EFNA5: variants seen among roughly 807,000 people sequenced by gnomAD.
EFNA5 encodes ephrin-A5.
EFNA5 carries 5 observed loss-of-function variants against 22.9 expected under a neutral mutation model. The observed-to-expected ratio is 0.22, with a 90% confidence interval of 0.11 to 0.46. EFNA5 has a LOEUF of 0.46. EFNA5 is among the 20% of genes least tolerant of loss of function. The pLI is 0.99. For synonymous variants in EFNA5, 113 were observed against 112.2 expected (o/e 1.01, Z -0.04); for missense variants, 237 against 293.3 (o/e 0.81, Z 1.40).
At chr5:107,454,094 G>A (rs1330886680) in intron 1 of EFNA5, among the ~76,000 whole-genome samples, 4 of 152,064 alleles carry the variant, frequency 2.6e-5, no homozygotes, top group East Asian at 1.9e-4. Flanking sequence ...TAGCATGAAC[G>A]TTTTTCCTTC....
chr5:107,570,377 T>C (rs937147312), intron 1 of EFNA5, among the ~76,000 whole-genome samples: 1 of 152,214 alleles, frequency 6.6e-6, no homozygotes, highest in Admixed American at 6.5e-5. Flanking sequence ...TGTGCCTTTA[T>C]CAAGGGAACA....
intron 1 of EFNA5, among the ~76,000 whole-genome samples, chr5:107,497,387 A>G (rs2112421615): frequency 6.6e-6 from 1 of 152,324 alleles, no homozygotes; most frequent in Middle Eastern, 3.4e-3. Context: ...AGGTAAACGG[A>G]GCCTTATATG....
At chr5:107,619,934 C>T (rs898940867) in intron 1 of EFNA5, among the ~76,000 whole-genome samples, 3 of 152,188 alleles carry the variant, frequency 2.0e-5, no homozygotes, top group Non-Finnish European at 4.4e-5. Flanking sequence ...ACTGTGACTC[C>T]TCCAATTTCC....
At chr5:107,584,424 A>G (rs1393320520) in intron 1 of EFNA5, among the ~76,000 whole-genome samples, 2 of 152,224 alleles carry the variant, frequency 1.3e-5, no homozygotes, top group African/African-American at 2.4e-5. Flanking sequence ...TAGCCAAGGC[A>G]CAGTCCAGGT....
chr5:107,565,305 A>C (rs1319492750), intron 1 of EFNA5, among the ~76,000 whole-genome samples: 1 of 152,214 alleles, frequency 6.6e-6, no homozygotes, highest in African/African-American at 2.4e-5. Context: ...ACGCATAGCT[A>C]TGCTATGTGA....
At chr5:107,670,341 C>G in intron 1 of EFNA5, 148 bp downstream of exon 1, 1 of 1,073,206 alleles carries the variant, frequency 9.3e-7, no homozygotes, top group Non-Finnish European at 1.2e-6. Flanking sequence ...GCGCTTCCCG[C>G]CGACGCCTCA....
intron 1 of EFNA5, among the ~76,000 whole-genome samples, chr5:107,558,748 A>G (rs1010622061): frequency 6.6e-6 from 1 of 152,224 alleles, no homozygotes; most frequent in African/African-American, 2.4e-5. Context: ...TTGTCCTTTC[A>G]TTAATGAGAA....
chr5:107,575,635 C>G (rs1041888563), intron 1 of EFNA5, among the ~76,000 whole-genome samples: 1 of 152,036 alleles, frequency 6.6e-6, no homozygotes, highest in Non-Finnish European at 1.5e-5. Context: ...ATAAAATAAT[C>G]TATTGTAGAC....
chr5:107,494,131 G>C (rs1339364308), intron 1 of EFNA5, among the ~76,000 whole-genome samples: 1 of 152,192 alleles, frequency 6.6e-6, no homozygotes, highest in Non-Finnish European at 1.5e-5. Context: ...CCTCTGCCTG[G>C]GCTCCCACTT....
At chr5:107,500,957 A>G (rs1004943213) in intron 1 of EFNA5, among the ~76,000 whole-genome samples, 2 of 152,004 alleles carry the variant, frequency 1.3e-5, no homozygotes, top group African/African-American at 2.4e-5. Flanking sequence ...ACCTGTGAAC[A>G]AGTGAGTGGG....
intron 1 of EFNA5, among the ~76,000 whole-genome samples, chr5:107,591,627 C>G (rs988080771): frequency 1.3e-5 from 2 of 150,436 alleles, no homozygotes; most frequent in Non-Finnish European, 2.9e-5. Flanking sequence ...TCGAGACCAG[C>G]CTGGCCAACA....
intron 2 of EFNA5, among the ~76,000 whole-genome samples, chr5:107,416,146 A>G (rs926722001): frequency 6.6e-6 from 1 of 152,112 alleles, no homozygotes; most frequent in Non-Finnish European, 1.5e-5. Context: ...ATTCAATAGT[A>G]CTCTGCTTTG....
Position 107,600,520 on chromosome 5 carries a change from T to A in EFNA5, c.125+69969A>T, listed in dbSNP as rs1289485815. Among the ~76,000 whole-genome samples the A allele has an allele frequency of 5.9e-5, 9 of 151,378 alleles. No homozygotes were observed. The East Asian group carries it at 1.4e-3, about 23-fold the overall frequency. On this transcript the variant is annotated intron_variant, in intron 1 of 4. Coordinates refer to ENST00000333274, the MANE Select transcript of EFNA5 (RefSeq NM_001962.3). ...TTTTTTTTTGGCCACAGAGTCTCACTCTGTCCCCAAGGCTGGAGTGCAGTG... is the reference window on the plus strand; with the variant it reads ...TTTTTTTTTGGCCACAGAGTCTCACACTGTCCCCAAGGCTGGAGTGCAGTG...
chr5:107,527,750 T>C (rs552062392), intron 1 of EFNA5, among the ~76,000 whole-genome samples: 7 of 152,222 alleles, frequency 4.6e-5, no homozygotes, highest in Non-Finnish European at 1.0e-4. Context: ...CACCCAGATG[T>C]GGCAGGTAGG....
At position 107,583,182 on chromosome 5, in the gene EFNA5, G is replaced by C. The variant is rs887492991; in HGVS notation, c.125+87307C>G. On this transcript the variant is annotated intron_variant, in intron 1 of 4. Coordinates refer to ENST00000333274, the MANE Select transcript of EFNA5 (RefSeq NM_001962.3). Reference sequence around the variant, plus strand: ...TTTCTAACAAAAAGTGAGAGGAAAGGTAGCTTAACATCAATCAGTTCTCAA... The same window carrying C: ...TTTCTAACAAAAAGTGAGAGGAAAGCTAGCTTAACATCAATCAGTTCTCAA... Among the ~76,000 whole-genome samples the C allele has an allele frequency of 1.1e-4, 16 of 152,108 alleles. 1 individual carries two copies. The highest frequency in any genetic ancestry group is 3.9e-4 in the African/African-American group (16 of 41,424).
chr5:107,434,155 G>C (rs980219009), intron 1 of EFNA5, among the ~76,000 whole-genome samples: 12 of 152,166 alleles, frequency 7.9e-5, no homozygotes, highest in African/African-American at 2.9e-4. Context: ...TTGGGTGGCT[G>C]AAAAAGGTAC....
chr5:107,607,166 C>G (rs1252633832), intron 1 of EFNA5, among the ~76,000 whole-genome samples: 1 of 152,110 alleles, frequency 6.6e-6, no homozygotes, highest in African/African-American at 2.4e-5. Context: ...AGTGTATATC[C>G]TAAAAGAGAT....
chr5:107,464,232 G>A (rs1749913496), intron 1 of EFNA5, among the ~76,000 whole-genome samples: 2 of 152,072 alleles, frequency 1.3e-5, no homozygotes, highest in Admixed American at 1.3e-4. Flanking sequence ...AGCACCAAAA[G>A]GAAGCTTTGG....
chr5:107,500,028 G>C (rs978051355), intron 1 of EFNA5, among the ~76,000 whole-genome samples: 1 of 152,314 alleles, frequency 6.6e-6, no homozygotes, highest in Non-Finnish European at 1.5e-5. Flanking sequence ...GGAATCCACA[G>C]CACAAAGCAG....
Sources: allele counts gnomAD v4.1 joint callset (sites outside exome capture counted in the v4.1 genomes callset), GRCh38; gene constraint gnomAD v4.1.1; transcripts MANE v1.5; gene names NCBI Gene and HGNC (gene_info 2026-07-23, HGNC 2026-07-21).